Variants in ITPR3 observed in about 807,000 individuals in gnomAD.
ITPR3 encodes the protein inositol 1,4,5-trisphosphate-gated calcium channel ITPR3.
A neutral mutation model predicts 293.2 loss-of-function variants in ITPR3; 173 were observed. The ratio of observed to expected loss-of-function variants is 0.59; its 90% CI spans 0.52 to 0.67. ITPR3 has a LOEUF of 0.67. Among genes scored for constraint, ITPR3 ranks in the 30% least tolerant of loss-of-function variants. The pLI, the probability that ITPR3 is intolerant of heterozygous loss-of-function variation, is 0.00. For missense variants in ITPR3, 2,796 were observed against 3,592.1 expected (o/e 0.78, Z 5.66); for synonymous variants, 1,295 against 1,444.4 (o/e 0.90, Z 2.35).
intron 1 of ITPR3, among the ~76,000 whole-genome samples, chr6:33,636,942 C>A (rs1232201108): frequency 6.6e-6 from 1 of 152,220 alleles, no homozygotes; most frequent in African/African-American, 2.4e-5. Flanking sequence ...TGCAGTCCTG[C>A]ACAGCGCCTG....
chr6:33,649,779 G>C (rs144277906), intron 2 of ITPR3, among the ~76,000 whole-genome samples: 2 of 152,166 alleles, frequency 1.3e-5, no homozygotes, highest in Admixed American at 1.3e-4. Flanking sequence ...GAAAGGGAGT[G>C]GGGGAGAGGT....
intron 56 of ITPR3, 196 bp from the exon 57 acceptor site, chr6:33,694,722 AGAGGGT>A: frequency 1.7e-6 from 1 of 595,094 alleles, no homozygotes; most frequent in Admixed American, 3.2e-5. Context: ...TCTCGGTGGC[AGAGGGT>A]TGACAAGAGG....
chr6:33,683,138 G>A lies in ITPR3; in HGVS notation c.4598-69G>A. On this transcript the variant is annotated intron_variant, in intron 34 of 57. Transcript: ENST00000605930. The surrounding 1 kb of genome is among the most constrained non-coding windows in gnomAD (Gnocchi z 4.5). Reference sequence around the variant, plus strand: ...CTCTGTCTCCTGGTGTGGCAGCCCTGAGCCTGGCCTCTGGCTGGCTGAACT... The same window carrying A: ...CTCTGTCTCCTGGTGTGGCAGCCCTAAGCCTGGCCTCTGGCTGGCTGAACT... 8.1e-7 allele frequency: 1 copy of A among 1,238,132 alleles called. No homozygotes were observed. The highest frequency in any genetic ancestry group is 1.1e-6 in the Non-Finnish European group (1 of 912,544). 76.7% of individuals were successfully genotyped at this position (1,238,132 alleles called of 1,614,324 possible).
intron 3 of ITPR3, 63 bp from the exon 4 acceptor site, chr6:33,657,869 G>C: frequency 4.4e-6 from 6 of 1,371,806 alleles, no homozygotes; most frequent in Non-Finnish European, 6.2e-6. Flanking sequence ...GTGGGGCTGG[G>C]GTATGTCTTC....
rs947039824 is a variant in ITPR3 at position 33,624,973 on chromosome 6, G to A, written c.89+3282G>A. Among the ~76,000 whole-genome samples, 2 of 152,254 alleles carry A rather than the reference G, an allele frequency of 1.3e-5. No homozygotes were observed. The highest frequency in any genetic ancestry group is 4.8e-5 in the African/African-American group (2 of 41,462). On this transcript the variant is annotated intron_variant, in intron 1 of 57. Coordinates refer to ENST00000605930, the MANE Select transcript of ITPR3 (RefSeq NM_002224.4). The surrounding 1 kb of genome is among the most constrained non-coding windows in gnomAD (Gnocchi z 4.7). Reference sequence around the variant, plus strand: ...GAAGGATGGGAGGGATCTGGGTAGTGGATCCAGGAGCGGTTGAGACTGCCA... The same window carrying A: ...GAAGGATGGGAGGGATCTGGGTAGTAGATCCAGGAGCGGTTGAGACTGCCA...
chr6:33,660,924 C>A (rs1356584930), intron 7 of ITPR3, among the ~76,000 whole-genome samples: 4 of 151,590 alleles, frequency 2.6e-5, no homozygotes, highest in Admixed American at 6.6e-5. Context: ...GAGCGAGACT[C>A]CTTCTCAAAA....
chr6:33,631,200 C>T (rs570979123), intron 1 of ITPR3, among the ~76,000 whole-genome samples: 15 of 152,170 alleles, frequency 9.9e-5, no homozygotes, highest in East Asian at 1.9e-4. Flanking sequence ...TCCCCATGTG[C>T]GGAGATGAGA....
Position 33,675,043 on chromosome 6 carries a change from A to C in ITPR3, c.3117-648A>C, listed in dbSNP as rs544302945. 1.3e-5 allele frequency among the ~76,000 whole-genome samples: 2 copies of C among 152,340 alleles called. No homozygotes were observed. Among genetic ancestry groups the C allele is most frequent in the African/African-American group, 2.4e-5 (1 of 41,574 alleles). ...TGGTTAGAGGTTGGGAAAAATAAAG[A>C]TGTAACATTTTCTCCATCTCTGTTC... is the stretch of plus-strand genomic sequence containing the variant. On this transcript the variant is annotated intron_variant, in intron 24 of 57. Coordinates refer to ENST00000605930, the MANE Select transcript of ITPR3 (RefSeq NM_002224.4). The surrounding 1 kb of genome is among the most constrained non-coding windows in gnomAD (Gnocchi z 5.0).
intron 40 of ITPR3, 48 bp from the exon 41 acceptor site, chr6:33,685,595 G>A (rs1765205173): frequency 1.3e-6 from 2 of 1,590,268 alleles, no homozygotes; most frequent in Non-Finnish European, 1.7e-6. Flanking sequence ...GTGCAGGGGG[G>A]TGGCCAAGGG....
chr6:33,676,640 G>A (rs924477401), intron 25 of ITPR3, 128 bp from the exon 26 acceptor site: 10 of 1,112,192 alleles, frequency 9.0e-6, no homozygotes, highest in African/African-American at 3.1e-5. Flanking sequence ...AGTGGGAATC[G>A]GCTCGGTGGA....
intron 2 of ITPR3, 85 bp downstream of exon 2, chr6:33,640,639 C>A: frequency 1.7e-6 from 2 of 1,148,022 alleles, no homozygotes; most frequent in Admixed American, 2.3e-5. Context: ...CTGCATTCAG[C>A]CCCAGTGGCT....
At chr6:33,643,722 C>T (rs1350620745) in intron 2 of ITPR3, among the ~76,000 whole-genome samples, 3 of 152,170 alleles carry the variant, frequency 2.0e-5, no homozygotes, top group African/African-American at 4.8e-5. Context: ...AGCCCCAGTG[C>T]CCCCAAGACA....
rs1047092802 is a variant in ITPR3, at chr6:33,684,397, A to C, written c.4978A>C (p.Lys1660Gln). ...CAAGGACCTCATGGAGTCGGAGGAG[A>C]AGCTGTGCATCAAGGTGCTGCGGAC... ...HTKDLMESEE[K>Q]LCIKVLRTLQ... is the part of the protein sequence containing the mutation. The change falls in exon 37 of 58, where the codon AAG becomes CAG. Residue 1660 changes from lysine (K) to glutamine (Q), a missense_variant. By Grantham distance (53) the Lys-to-Gln change is moderately conservative. Transcript: ENST00000605930. The surrounding 1 kb of genome is among the most constrained non-coding windows in gnomAD (Gnocchi z 4.2). The C allele has an allele frequency of 1.9e-6, 3 of 1,613,850 alleles. No individual in the cohort carries two copies. In the African/African-American group the frequency reaches 4.0e-5, roughly 22 times the overall value.
At chr6:33,623,412 G>A (rs1763486358) in intron 1 of ITPR3, among the ~76,000 whole-genome samples, 1 of 143,226 alleles carries the variant, frequency 7.0e-6, no homozygotes, top group African/African-American at 2.6e-5. Context: ...CTGCAGCCTC[G>A]ACCTCTGGGG....
At chr6:33,690,767 C>G in intron 51 of ITPR3, 150 bp from the exon 52 acceptor site, 1 of 655,314 alleles carries the variant, frequency 1.5e-6, no homozygotes, top group African/African-American at 1.8e-5. Flanking sequence ...GCCCACCCAG[C>G]TTGGATACGA....
chr6:33,689,942 T>C, intron 50 of ITPR3, 92 bp from the exon 51 acceptor site: 1 of 1,472,562 alleles, frequency 6.8e-7, no homozygotes. Context: ...ATGCCATGCC[T>C]CCCAGGCTCT....
rs1199320505 is a variant in ITPR3 at position 33,682,463 on chromosome 6, ACCTGGGGTTGCCCAGGGTGGGGG to A, written c.4477-54_4477-32del. 13 of 1,463,396 alleles carry A rather than the reference ACCTGGGGTTGCCCAGGGTGGGGG, an allele frequency of 8.9e-6. No individual in the cohort carries two copies. In the African/African-American group the frequency reaches 1.9e-4, roughly 21 times the overall value. The allele number at this position is 1,463,396 out of a possible 1,614,324, so 90.7% of individuals were successfully genotyped here. ...ATTCTGATTGGGCCCTGGTTCCTGG[ACCTGGGGTTGCCCAGGGTGGGGG>A]CCTGGGCTGCAGCAGCGGGCTCTGT... On this transcript the variant is annotated intron_variant, in intron 33 of 57. Transcript: ENST00000605930. This position sits in a 1 kb window ranked among gnomAD's most constrained non-coding sequence, Gnocchi z 5.4.
chr6:33,674,432 C>T (rs774280737), intron 24 of ITPR3, among the ~76,000 whole-genome samples, 167 bp downstream of exon 24: 11 of 152,326 alleles, frequency 7.2e-5, no homozygotes, highest in Non-Finnish European at 1.6e-4. Context: ...TCCCCAGTCC[C>T]AGAGATCTGG....
chr6:33,692,857 A>G lies in ITPR3; in HGVS notation c.7588A>G (p.Lys2530Glu), dbSNP rs145811622. 243 of 1,614,116 alleles carry G rather than the reference A, an allele frequency of 1.5e-4. 1 individual carries two copies. Among genetic ancestry groups the G allele is most frequent in the Middle Eastern group, 6.6e-4 (4 of 6,062 alleles). ...FADLRSEKQK[K>E]EEILKTTCFI... ...TGACCTGCGTAGTGAGAAGCAGAAG[A>G]AGGAGGAGATTCTTAAGACGACATG... is the stretch of plus-strand genomic sequence containing the variant. Residue 2530 changes from lysine to glutamate, a missense_variant, in exon 55 of 58, where the codon AAG (lysine) becomes GAG (glutamate). Physicochemically the swap from Lys to Glu is moderately conservative, Grantham distance 56. Coordinates refer to ENST00000605930, the MANE Select transcript of ITPR3 (RefSeq NM_002224.4). This position sits in a 1 kb window ranked among gnomAD's most constrained non-coding sequence, Gnocchi z 4.2.
Sources: allele counts gnomAD v4.1 joint callset (sites outside exome capture counted in the v4.1 genomes callset), GRCh38; gene constraint gnomAD v4.1.1; non-coding constraint Gnocchi (gnomAD v3.1); transcripts MANE v1.5; gene names NCBI Gene and HGNC (gene_info 2026-07-23, HGNC 2026-07-21).